Variants in PLB1 observed in about 807,000 individuals in gnomAD.
PLB1 encodes phospholipase B1, membrane-associated.
In PLB1, 242 loss-of-function variants were observed where a neutral mutation model predicts 227.4. The observed-to-expected ratio is 1.06, with a 90% CI of 0.96 to 1.18. The LOEUF (loss-of-function observed/expected upper bound fraction) is 1.18, where lower values mean the gene tolerates loss of function less well. Among genes scored for constraint, PLB1 ranks in the 50% most tolerant of loss-of-function variants. PLB1 has a pLI of 0.00. For synonymous variants in PLB1, 757 were observed against 682.2 expected (o/e 1.11, Z -1.71); for missense variants, 1,858 against 1,816.3 (o/e 1.02, Z -0.42).
At chr2:28,509,164 A>G (rs1667955359) in intron 1 of PLB1, among the ~76,000 whole-genome samples, 1 of 152,208 alleles carries the variant, frequency 6.6e-6, no homozygotes, top group Non-Finnish European at 1.5e-5. Context: ...CAGGGGCTAG[A>G]AAATTGCACT....
Position 28,588,951 on chromosome 2 carries a change from G to A in PLB1, c.1816-499G>A, listed in dbSNP as rs373540686. Among the ~76,000 whole-genome samples the A allele has an allele frequency of 2.0e-5, 3 of 152,086 alleles. No homozygotes were observed. The East Asian group carries it at 5.8e-4, about 29-fold the overall frequency. On this transcript the variant is annotated intron_variant, in intron 26 of 57. Transcript: ENST00000327757. ...GAGGCCGAGGCGGGTGGATCACGAG[G>A]TCAGGAGTTCGAGACCAGCCTGGCC...
chr2:28,525,368 C>T lies in PLB1; in HGVS notation c.284+61C>T, dbSNP rs1670103741. ...CCCGGAGATGCTCCCATCTAATCTT[C>T]TTGCCTTATTAATGGGAAAGATTGG... On this transcript the variant is annotated intron_variant, in intron 5 of 57. Transcript: ENST00000327757. 3.2e-5 allele frequency: 49 copies of T among 1,546,434 alleles called. No individual in the cohort carries two copies. The South Asian group carries it at 5.0e-4, about 16-fold the overall frequency.
At chr2:28,502,151 C>G (rs1018445032) in intron 1 of PLB1, among the ~76,000 whole-genome samples, 4 of 152,098 alleles carry the variant, frequency 2.6e-5, no homozygotes, top group Admixed American at 6.5e-5. Context: ...ATATTGACAA[C>G]AAAGCATGCA....
intron 57 of PLB1, among the ~76,000 whole-genome samples, chr2:28,641,692 T>C (rs1265252630): frequency 6.6e-6 from 1 of 152,076 alleles, no homozygotes; most frequent in Admixed American, 6.6e-5. Flanking sequence ...ATAGACTCAG[T>C]GTCTGTTCCT....
intron 49 of PLB1, 71 bp from the exon 50 acceptor site, chr2:28,624,986 G>A: frequency 6.9e-7 from 1 of 1,442,260 alleles, no homozygotes; most frequent in Non-Finnish European, 9.7e-7. Flanking sequence ...CTCTTCCTAG[G>A]CCAAAATCCC....
At position 28,607,438 on chromosome 2, in the gene PLB1, C is replaced by A. The variant is rs566618310; in HGVS notation, c.3129+871C>A. The stretch of plus-strand genomic sequence containing the variant: ...GCCTGCTCCCTGTCTGCTGCCTGCC[C>A]TACCCCAGTCTTGGGCTCAGGCTCA... On this transcript the variant is annotated intron_variant, in intron 43 of 57. Transcript: ENST00000327757. 9.2e-5 allele frequency among the ~76,000 whole-genome samples: 14 copies of A among 152,268 alleles called. No individual in the cohort carries two copies. In the South Asian group the frequency reaches 2.3e-3, roughly 25 times the overall value.
At position 28,596,242 on chromosome 2, in the gene PLB1, G is replaced by A. The variant is rs539129763; in HGVS notation, c.2322-1763G>A. ...TAACATAAATGATATCCATCTGAAG[G>A]GTCTAAGGTGGACTAGCTGTTTGAT... On this transcript the variant is annotated intron_variant, in intron 33 of 57. Coordinates refer to ENST00000327757, the MANE Select transcript of PLB1 (RefSeq NM_153021.5). Among the ~76,000 whole-genome samples the A allele has an allele frequency of 3.3e-5, 5 of 152,200 alleles. No individual in the cohort carries two copies. In the South Asian group the frequency reaches 1.0e-3, roughly 32 times the overall value.
At chr2:28,626,607 G>A (rs1687828411) in intron 51 of PLB1, 99 bp downstream of exon 51, 1 of 570,260 alleles carries the variant, frequency 1.8e-6, no homozygotes, top group African/African-American at 2.6e-5. Flanking sequence ...CGAGCTCCTT[G>A]CTCATGGGAA....
intron 53 of PLB1, 77 bp from the exon 54 acceptor site, chr2:28,630,509 G>A: frequency 7.6e-7 from 1 of 1,310,762 alleles, no homozygotes; most frequent in South Asian, 1.3e-5. Context: ...CCTGCTCTGT[G>A]TGTCAGAGCC....
At chr2:28,601,077 A>G (rs529589259) in intron 36 of PLB1, among the ~76,000 whole-genome samples, 175 bp from the exon 37 acceptor site, 1 of 152,290 alleles carries the variant, frequency 6.6e-6, no homozygotes, top group East Asian at 1.9e-4. Context: ...ATCCCTCCTG[A>G]TGCTAAGAGT....
intron 46 of PLB1, 84 bp from the exon 47 acceptor site, chr2:28,620,181 A>G (rs900730584): frequency 1.1e-6 from 1 of 908,340 alleles, no homozygotes; most frequent in Admixed American, 3.2e-5. Context: ...TCCAGGTCCT[A>G]GCTGCTACCC....
chr2:28,566,941 C>G (rs1414549024), intron 20 of PLB1, 102 bp downstream of exon 20: 3 of 1,357,476 alleles, frequency 2.2e-6, no homozygotes. Context: ...GCCCCGGCTG[C>G]AGGAGCCCGC....
intron 50 of PLB1, among the ~76,000 whole-genome samples, chr2:28,625,816 C>T (rs902440040): frequency 6.6e-6 from 1 of 151,976 alleles, no homozygotes; most frequent in African/African-American, 2.4e-5. Flanking sequence ...GGGACACATC[C>T]ACATTCTACT....
rs1688140853 is a variant in PLB1, at chr2:28,628,570, A to G, written c.3668A>G (p.His1223Arg). 3 of 1,613,930 alleles carry G rather than the reference A, an allele frequency of 1.9e-6. No individual in the cohort carries two copies. In the South Asian group the frequency reaches 3.3e-5, roughly 18 times the overall value. ...LCHYCENPEA[H>R]LATEYVQHIQ... Reference sequence around the variant, plus strand: ...ACCCTTTTTTCCTTACAGGAGGCCCACTTGGCCACGGAATATGTTCAGCAC... The same window carrying G: ...ACCCTTTTTTCCTTACAGGAGGCCCGCTTGGCCACGGAATATGTTCAGCAC... Residue 1223 changes from histidine (H) to arginine (R), a missense_variant, in exon 52 of 58, where the codon CAC becomes CGC. Transcript: ENST00000327757.
intron 20 of PLB1, among the ~76,000 whole-genome samples, chr2:28,570,029 A>G (rs143397349): frequency 0.012 from 1,865 of 152,156 alleles, 40 homozygotes; most frequent in African/African-American, 0.043. Flanking sequence ...AAGAGATTGA[A>G]TTAATAATTT....
intron 33 of PLB1, among the ~76,000 whole-genome samples, chr2:28,597,247 G>A (rs948842841): frequency 2.2e-5 from 3 of 136,684 alleles, no homozygotes; most frequent in Non-Finnish European, 3.0e-5. Flanking sequence ...CTGGGCGACA[G>A]AGCAAGACTC....
At chr2:28,587,135 A>AT (rs1451729874) in intron 26 of PLB1, among the ~76,000 whole-genome samples, 4 of 152,224 alleles carry the variant, frequency 2.6e-5, no homozygotes, top group Non-Finnish European at 5.9e-5. Flanking sequence ...AGCTGAGGTT[A>AT]TGGCCATGAG....
At chr2:28,571,699 G>A (rs747259111) in intron 20 of PLB1, among the ~76,000 whole-genome samples, 8 of 152,136 alleles carry the variant, frequency 5.3e-5, no homozygotes, top group African/African-American at 1.4e-4. Context: ...GGAAAGAATC[G>A]TCTTTTCAAT....
At chr2:28,558,184 A>C (rs923947343) in intron 17 of PLB1, among the ~76,000 whole-genome samples, 1 of 148,772 alleles carries the variant, frequency 6.7e-6, no homozygotes, top group African/African-American at 2.5e-5. Flanking sequence ...GTGTGTGTCT[A>C]TGTGTTTTCT....
Sources: gnomAD v4.1 joint callset for allele counts (sites outside exome capture counted in the v4.1 genomes callset) on GRCh38, gnomAD v4.1.1 for gene constraint, MANE v1.5 for transcripts, NCBI Gene and HGNC (gene_info 2026-07-23, HGNC 2026-07-21) for gene names.